FOXO1: variants seen among roughly 807,000 people sequenced by gnomAD.
FOXO1 encodes the protein forkhead box protein O1.
A neutral mutation model predicts 44.1 loss-of-function variants in FOXO1; 6 were observed. That is an observed-to-expected ratio of 0.14 (90% CI 0.07 to 0.27). The LOEUF is 0.27. FOXO1 is among the 10% of genes least tolerant of loss of function. FOXO1 has a pLI of 1.00. For missense variants in FOXO1, 737 were observed against 888.8 expected (o/e 0.83, Z 2.17); for synonymous variants, 380 against 362.7 (o/e 1.05, Z -0.54).
At chr13:40,659,415 A>C (rs535818575) in intron 1 of FOXO1, among the ~76,000 whole-genome samples, 44 of 151,842 alleles carry the variant, frequency 2.9e-4, no homozygotes, top group African/African-American at 9.6e-4. Context: ...CAGAACAAAA[A>C]CCAGAATTGG....
intron 1 of FOXO1, among the ~76,000 whole-genome samples, chr13:40,567,508 T>C (rs1482538953): frequency 1.3e-5 from 2 of 152,116 alleles, no homozygotes; most frequent in Non-Finnish European, 2.9e-5. Context: ...TGATTCTACC[T>C]GCAACCCCAC....
At chr13:40,568,308 C>T (rs924606969) in intron 1 of FOXO1, among the ~76,000 whole-genome samples, 3 of 152,186 alleles carry the variant, frequency 2.0e-5, no homozygotes, top group African/African-American at 7.2e-5. Flanking sequence ...AGCATTTAAT[C>T]TAATTTCTGT....
chr13:40,656,063 GA>G (rs1877850393), intron 1 of FOXO1, among the ~76,000 whole-genome samples: 1 of 152,176 alleles, frequency 6.6e-6, no homozygotes, highest in Non-Finnish European at 1.5e-5. Flanking sequence ...GAGCTAGTCA[GA>G]CTCACTCCAA....
At chr13:40,592,306 A>G (rs1394093749) in intron 1 of FOXO1, among the ~76,000 whole-genome samples, 1 of 152,188 alleles carries the variant, frequency 6.6e-6, no homozygotes, top group African/African-American at 2.4e-5. Flanking sequence ...AAAAAAAACA[A>G]CTTCATCAAA....
In FOXO1 at chr13:40,560,329, TTAA is replaced by T. The variant is rs1351484335; in HGVS notation, c.1159_1161del (p.Leu387del). The T allele has an allele frequency of 6.2e-7, 1 of 1,614,102 alleles. No individual in the cohort carries two copies. The highest frequency in any genetic ancestry group is 8.5e-7 in the Non-Finnish European group (1 of 1,180,020). ...CCAGGTGAGGACTGGGTCGAAACAG[TTAA>T]TGATGTTGGTGATGAGAGAAGGTTG... On this transcript the variant is annotated inframe_deletion, in exon 2 of 3. Transcript: ENST00000379561. This position sits in a 1 kb window ranked among gnomAD's most constrained non-coding sequence, Gnocchi z 5.1.
At chr13:40,576,875 T>C (rs181303989) in intron 1 of FOXO1, among the ~76,000 whole-genome samples, 18 of 152,362 alleles carry the variant, frequency 1.2e-4, no homozygotes, top group African/African-American at 3.8e-4. Context: ...GGCATAAAAA[T>C]TTGGTTCTTA....
chr13:40,620,730 T>C (rs529874836), intron 1 of FOXO1, among the ~76,000 whole-genome samples: 50 of 151,464 alleles, frequency 3.3e-4, no homozygotes, highest in South Asian at 2.3e-3. Flanking sequence ...ACAGTGACAA[T>C]AGGGGTAGCA....
intron 1 of FOXO1, among the ~76,000 whole-genome samples, chr13:40,582,369 T>C (rs1874990307): frequency 6.6e-6 from 1 of 152,226 alleles, no homozygotes; most frequent in African/African-American, 2.4e-5. Flanking sequence ...TGGTGGTAGC[T>C]AAAAGCTGGG....
intron 1 of FOXO1, among the ~76,000 whole-genome samples, chr13:40,628,217 G>T (rs962165739): frequency 6.6e-6 from 1 of 152,036 alleles, no homozygotes; most frequent in Non-Finnish European, 1.5e-5. Context: ...GGGGGCAGGA[G>T]TAAACTTTTC....
chr13:40,585,335 G>GCA (rs1491581670), intron 1 of FOXO1, among the ~76,000 whole-genome samples: 2 of 110,068 alleles, frequency 1.8e-5, no homozygotes, highest in African/African-American at 3.7e-5. Flanking sequence ...TATTTCCTCT[G>GCA]CGCGCGCGCA....
intron 1 of FOXO1, among the ~76,000 whole-genome samples, chr13:40,609,787 G>A (rs1296714958): frequency 1.3e-5 from 2 of 152,034 alleles, no homozygotes; most frequent in African/African-American, 4.8e-5. Context: ...CATGACCTTG[G>A]ATAGGAAAAA....
intron 1 of FOXO1, among the ~76,000 whole-genome samples, chr13:40,633,861 T>C (rs1877055798): frequency 1.3e-5 from 2 of 152,216 alleles, no homozygotes; most frequent in African/African-American, 4.8e-5. Flanking sequence ...AAGGAAAGAA[T>C]TCCCAAGACT....
Position 40,662,170 on chromosome 13 carries a change from CAAAAAAAAAAAAAA to C in FOXO1, c.630+3399_630+3412del, listed in dbSNP as rs57350461. Among the ~76,000 whole-genome samples the C allele has an allele frequency of 7.1e-5, 4 of 56,724 alleles. 1 individual carries two copies. Among genetic ancestry groups the C allele is most frequent in the Non-Finnish European group, 3.6e-5 (1 of 27,792 alleles). 37.2% of individuals were successfully genotyped at this position (56,724 alleles called of 152,430 possible). On this transcript the variant is annotated intron_variant, in intron 1 of 2. Coordinates refer to ENST00000379561, the MANE Select transcript of FOXO1 (RefSeq NM_002015.4). ...TGGGCAACAGAGTGAGACTCTGACT[CAAAAAAAAAAAAAA>C]AAAAAAAAAAAAGATATTTATCTTT... is the stretch of plus-strand genomic sequence containing the variant.
At chr13:40,568,866 G>C (rs1017060088) in intron 1 of FOXO1, among the ~76,000 whole-genome samples, 1 of 150,472 alleles carries the variant, frequency 6.6e-6, no homozygotes, top group Admixed American at 6.7e-5. Context: ...CTGGTCTAAC[G>C]CTCTTGTTTT....
intron 1 of FOXO1, among the ~76,000 whole-genome samples, chr13:40,652,289 C>CTTT (rs777152612): frequency 3.7e-5 from 5 of 133,584 alleles, no homozygotes; most frequent in Non-Finnish European, 6.5e-5. Flanking sequence ...ACTGGTGATT[C>CTTT]TTTTTTTTTT....
chr13:40,651,720 T>G (rs1329620303), intron 1 of FOXO1, among the ~76,000 whole-genome samples: 1 of 151,218 alleles, frequency 6.6e-6, no homozygotes, highest in Non-Finnish European at 1.5e-5. Context: ...TACATCATAT[T>G]TATAATATAA....
chr13:40,658,128 G>A (rs992843388), intron 1 of FOXO1, among the ~76,000 whole-genome samples: 6 of 152,136 alleles, frequency 3.9e-5, no homozygotes, highest in African/African-American at 1.4e-4. Flanking sequence ...CTCTGGGTAG[G>A]AGCCAAGATT....
At chr13:40,633,391 A>G (rs1338873276) in intron 1 of FOXO1, among the ~76,000 whole-genome samples, 2 of 152,262 alleles carry the variant, frequency 1.3e-5, no homozygotes, top group African/African-American at 2.4e-5. Context: ...ATCAACTGAT[A>G]AATGGATAAA....
At chr13:40,607,242 G>A (rs1450471188) in intron 1 of FOXO1, among the ~76,000 whole-genome samples, 1 of 152,208 alleles carries the variant, frequency 6.6e-6, no homozygotes, top group Non-Finnish European at 1.5e-5. Context: ...GGAGGGCGTT[G>A]CAACCATGCT....
Sources: allele counts gnomAD v4.1 joint callset (sites outside exome capture counted in the v4.1 genomes callset), GRCh38; gene constraint gnomAD v4.1.1; non-coding constraint Gnocchi (gnomAD v3.1); transcripts MANE v1.5; gene names NCBI Gene and HGNC (gene_info 2026-07-23, HGNC 2026-07-21).